The following TMEM114 variants were observed in gnomAD, a reference collection of about 807,000 sequenced individuals.
TMEM114 encodes the protein claudin-26.
In TMEM114, 6 loss-of-function variants were observed where a neutral mutation model predicts 6.2. That is an observed-to-expected ratio of 0.97 (90% CI 0.53 to 1.91). The LOEUF is 1.91. TMEM114 is among the 40% of genes most tolerant of loss of function. The pLI is 0.01. For missense variants in TMEM114, 218 were observed against 158.3 expected (o/e 1.38, Z -2.02); for synonymous variants, 104 against 73.0 (o/e 1.42, Z -2.16).
At chr16:8,571,034 G>A (rs182904914) in intron 3 of TMEM114, among the ~76,000 whole-genome samples, 1 of 152,076 alleles carries the variant, frequency 6.6e-6, no homozygotes, top group African/African-American at 2.4e-5. Context: ...TAGAGGAGAT[G>A]AGAACTTTGC....
chr16:8,531,351 C>T, the TMEM114 span, among the ~76,000 whole-genome samples: 2 of 152,148 alleles, frequency 1.3e-5, no homozygotes, highest in African/African-American at 2.4e-5. Context: ...ATGCCTAAAA[C>T]CACAACACAT....
chr16:8,550,698 A>C (rs1482477803), intron 2 of TMEM114, among the ~76,000 whole-genome samples: 7 of 89,874 alleles, frequency 7.8e-5, no homozygotes, highest in Non-Finnish European at 8.5e-5. Context: ...AAAAAAAAAA[A>C]CCAAAAAAAA....
intron 2 of TMEM114, among the ~76,000 whole-genome samples, chr16:8,549,990 C>T (rs1422519628): frequency 6.6e-6 from 1 of 152,204 alleles, no homozygotes; most frequent in Non-Finnish European, 1.5e-5. Flanking sequence ...AGCCTTCAGT[C>T]TGTAGCCAAA....
chr16:8,555,296 G>A (rs944709415), intron 2 of TMEM114, among the ~76,000 whole-genome samples: 4 of 152,242 alleles, frequency 2.6e-5, no homozygotes, highest in African/African-American at 7.2e-5. Context: ...GTATTGAGGA[G>A]GTGGCAGGGT....
At chr16:8,572,033 C>G (rs568767413) in intron 3 of TMEM114, 54 bp downstream of exon 3, 622 of 1,475,334 alleles carry the variant, frequency 4.2e-4, no homozygotes, top group Non-Finnish European at 5.0e-4. Flanking sequence ...ACACAGTACC[C>G]ATTGCCCAAC....
chr16:8,535,291 G>A (rs1196962035), downstream of TMEM114, among the ~76,000 whole-genome samples: 1 of 152,160 alleles, frequency 6.6e-6, no homozygotes, highest in Admixed American at 6.6e-5. Flanking sequence ...TAAGTAGCAA[G>A]GACTTTTTTA....
At chr16:8,563,257 ATGAATGAGTCAG>A (rs1435367140) in intron 2 of TMEM114, among the ~76,000 whole-genome samples, 2 of 145,634 alleles carry the variant, frequency 1.4e-5, no homozygotes, top group Non-Finnish European at 3.0e-5. Context: ...CAGTGAGTGA[ATGAATGAGTCAG>A]TGAATGAGTG....
At chr16:8,563,733 G>C (rs886642310) in intron 2 of TMEM114, among the ~76,000 whole-genome samples, 1 of 150,450 alleles carries the variant, frequency 6.6e-6, no homozygotes, top group African/African-American at 2.5e-5. Flanking sequence ...GAGTCAGTGA[G>C]TGAATGAATG....
At chr16:8,544,021 A>C (rs1255149275) in intron 2 of TMEM114, among the ~76,000 whole-genome samples, 1 of 152,210 alleles carries the variant, frequency 6.6e-6, no homozygotes, top group Non-Finnish European at 1.5e-5. Context: ...CAGGAAGCGC[A>C]ACGCTAAATG....
chr16:8,527,745 C>T, the TMEM114 span, among the ~76,000 whole-genome samples: 220 of 152,254 alleles, frequency 1.4e-3, 1 homozygote, highest in African/African-American at 5.0e-3. Context: ...CCACAAGCTG[C>T]AAACAGCTAC....
chr16:8,544,920 TTCTCTCTC>T (rs144585319), intron 2 of TMEM114, among the ~76,000 whole-genome samples: 3 of 147,858 alleles, frequency 2.0e-5, no homozygotes, highest in Non-Finnish European at 3.0e-5. Context: ...CTCAACATCT[TTCTCTCTC>T]TCTCTCTCTC....
chr16:8,583,590 A>T (rs1002755455), intron 2 of TMEM114, among the ~76,000 whole-genome samples: 2 of 152,094 alleles, frequency 1.3e-5, no homozygotes, highest in Admixed American at 6.5e-5. Flanking sequence ...TACAAAAAAT[A>T]ATACAAAATT....
chr16:8,562,293 TGA>T (rs1901265287), intron 2 of TMEM114, among the ~76,000 whole-genome samples: 1 of 135,672 alleles, frequency 7.4e-6, no homozygotes, highest in African/African-American at 2.8e-5. Context: ...AGTGAGTGAG[TGA>T]ATGAGTGAGT....
chr16:8,562,228 GT>G (rs1901259621), intron 2 of TMEM114, among the ~76,000 whole-genome samples: 1 of 139,946 alleles, frequency 7.1e-6, no homozygotes, highest in African/African-American at 2.6e-5. Context: ...AAATGAGTGA[GT>G]GAGTGAGTGA....
At chr16:8,538,736 G>A (rs111948568) in intron 2 of TMEM114, among the ~76,000 whole-genome samples, 20 of 151,986 alleles carry the variant, frequency 1.3e-4, no homozygotes, top group African/African-American at 4.8e-4. Flanking sequence ...TCGATCTCCT[G>A]ACCTCGTGAT....
At chr16:8,575,040 G>A (rs1217352075) in intron 2 of TMEM114, among the ~76,000 whole-genome samples, 1 of 152,132 alleles carries the variant, frequency 6.6e-6, no homozygotes, top group Non-Finnish European at 1.5e-5. Context: ...GGGGAAGATA[G>A]TCCCCTTTGG....
At position 8,569,651 on chromosome 16, in the gene TMEM114, G is replaced by A. The variant is rs1901657551; in HGVS notation, c.*122C>T. ...AGTCCGCGGGGATTTGTGGGGGAAG[G>A]AGGGGGGTGCCTGGCCTCCCCGAGT... On this transcript the variant is annotated 3_prime_UTR_variant, in exon 4 of 4. Coordinates refer to ENST00000620492, the MANE Select transcript of TMEM114 (RefSeq NM_001146336.2). 4 of 1,441,090 alleles carry A rather than the reference G, an allele frequency of 2.8e-6. No individual in the cohort carries two copies. The highest frequency in any genetic ancestry group is 3.6e-6 in the Non-Finnish European group (4 of 1,101,536). The allele number at this position is 1,441,090 out of a possible 1,614,324, so 89.3% of individuals were successfully genotyped here.
chr16:8,569,690 G>T lies in TMEM114; in HGVS notation c.*83C>A. 1 of 1,458,932 alleles carries T rather than the reference G, an allele frequency of 6.9e-7. No individual in the cohort carries two copies. The highest frequency in any genetic ancestry group is 9.0e-7 in the Non-Finnish European group (1 of 1,105,894). The allele number at this position is 1,458,932 out of a possible 1,614,324, so 90.4% of individuals were successfully genotyped here. A position where few individuals can be genotyped will look rare whatever the true frequency, so the allele number is the denominator to read the frequency against. On this transcript the variant is annotated 3_prime_UTR_variant, in exon 4 of 4. Coordinates refer to ENST00000620492, the MANE Select transcript of TMEM114 (RefSeq NM_001146336.2). ...GCCTCCCCGAGTGGCCTTTGAGGAAGAAGAGGCCGCAGCCGATGGAGATCG... is the reference window on the plus strand; with the variant it reads ...GCCTCCCCGAGTGGCCTTTGAGGAATAAGAGGCCGCAGCCGATGGAGATCG...
intron 2 of TMEM114, among the ~76,000 whole-genome samples, chr16:8,552,513 C>T (rs1035133337): frequency 7.9e-5 from 12 of 152,014 alleles, no homozygotes; most frequent in African/African-American, 1.7e-4. Flanking sequence ...AAACTGCACA[C>T]ACACACACAC....
Sources: allele counts gnomAD v4.1 joint callset (sites outside exome capture counted in the v4.1 genomes callset), GRCh38; gene constraint gnomAD v4.1.1; transcripts MANE v1.5; gene names NCBI Gene and HGNC (gene_info 2026-07-23, HGNC 2026-07-21).